The following AHNAK2 variants were observed in gnomAD, a reference collection of about 807,000 sequenced individuals.
AHNAK2 encodes the protein protein AHNAK2.
In AHNAK2, 18 loss-of-function variants were observed where a neutral mutation model predicts 30.7. That is an observed-to-expected ratio of 0.59 (90% CI 0.41 to 0.87). The LOEUF (loss-of-function observed/expected upper bound fraction) is 0.87, where lower values mean the gene tolerates loss of function less well. Ranked by LOEUF, AHNAK2 falls within the 40% of genes least tolerant of loss-of-function variation. The probability of loss-of-function intolerance (pLI) is 0.00; values close to 1 mark genes in which losing one functional copy is unlikely to be tolerated. For synonymous variants in AHNAK2, 3,590 were observed against 3,073.8 expected, an observed-to-expected ratio of 1.17 and a Z score of -5.56; for missense variants, 8,604 against 7,373.0, an observed-to-expected ratio of 1.17 and a Z score of -6.11.
chr14:104,973,241 G>A (rs573925069), intron 1 of AHNAK2, among the ~76,000 whole-genome samples: 23 of 152,334 alleles, frequency 1.5e-4, no homozygotes, highest in African/African-American at 4.3e-4. Context: ...GCTAGTCCTG[G>A]CTCAGAGCTG....
rs775570955 is a variant in AHNAK2, at chr14:104,942,402, G to A, written c.13049C>T (p.Pro4350Leu). ...CTGGACCTCCAGATCAGCGGAAGGG[G>A]GCTGAATGCTGAGGTGAGTGGTCTT... ...DLKTTHLSIQPPSADLEVQAG... is the reference protein window; with the variant it reads ...DLKTTHLSIQLPSADLEVQAG... Residue 4350 changes from proline (P) to leucine (L), a missense_variant, in exon 7 of 7, where the codon CCC (proline) becomes CTC (leucine). Pro to Leu is a moderately conservative substitution (Grantham distance 98). Coordinates refer to ENST00000333244, the MANE Select transcript of AHNAK2 (RefSeq NM_138420.4). 6.8e-6 allele frequency: 11 copies of A among 1,612,800 alleles called. No individual in the cohort carries two copies. The African/African-American group carries it at 8.0e-5, about 12-fold the overall frequency.
chr14:104,948,386 G>A lies in AHNAK2; in HGVS notation c.7065C>T (p.Pro2355=), dbSNP rs773650958. Residue 2355 remains proline (P), a synonymous_variant, in exon 7 of 7, where the codon CCC becomes CCT. Coordinates refer to ENST00000333244, the MANE Select transcript of AHNAK2 (RefSeq NM_138420.4). The stretch of plus-strand genomic sequence containing the variant: ...TGGTCTTGAGGTCCCCCTGCATGGA[G>A]GGGAGGCTCACGTCGGCCTCCACCT... ...ALKVEADVSL[P]SMQGDLKTTD... 1.1e-5 allele frequency: 17 copies of A among 1,612,544 alleles called. No homozygotes were observed. In the African/African-American group the frequency reaches 1.1e-4, roughly 10 times the overall value.
rs1898026912 is a variant in AHNAK2, at chr14:104,942,284, GAA to G, written c.13165_13166del (p.Phe4389GlnfsTer15). On this transcript the variant is annotated frameshift_variant, in exon 7 of 7. Transcript: ENST00000333244. LOFTEE classifies it low-confidence loss of function (END_TRUNC). Reference sequence around the variant, plus strand: ...CCTTGAGGTCCACTTTGGGTACCTTGAAACTGGGCATCTGCAGCTTCGGCAGG... The same window carrying G: ...CCTTGAGGTCCACTTTGGGTACCTTGACTGGGCATCTGCAGCTTCGGCAGG... ...GHLPKLQMPS[F>X]KVPKVDLKGP... The G allele has an allele frequency of 2.5e-6, 4 of 1,612,920 alleles. No individual in the cohort carries two copies. Among genetic ancestry groups the G allele is most frequent in the Non-Finnish European group, 3.4e-6 (4 of 1,179,704 alleles).
Position 104,945,452 on chromosome 14 carries a change from C to T in AHNAK2, c.9999G>A (p.Val3333=), listed in dbSNP as rs758876794. The change falls in exon 7 of 7, where the codon GTG becomes GTA. Residue 3333 remains valine (V), a synonymous_variant. Transcript: ENST00000333244. ...PGKSIQASVD[V]SAPKAEADVS... The stretch of plus-strand genomic sequence containing the variant: ...CGTCGGCCTCCGCCTTCGGCGCAGA[C>T]ACATCCACCGAGGCCTGGATGGACT... 13 of 1,613,496 alleles carry T rather than the reference C, an allele frequency of 8.1e-6. No individual in the cohort carries two copies. The highest frequency in any genetic ancestry group is 1.1e-5 in the Non-Finnish European group (13 of 1,179,720).
rs1897908445 is a variant in AHNAK2 at position 104,939,259 on chromosome 14, C to T, written c.16192G>A (p.Ala5398Thr). Residue 5398 changes from alanine to threonine, a missense_variant, in exon 7 of 7, where the codon GCC (alanine) becomes ACC (threonine). Coordinates refer to ENST00000333244, the MANE Select transcript of AHNAK2 (RefSeq NM_138420.4). Reference protein sequence around the residue: ...KLMVPRFSFPAPSSEDDVFIP... With the variant: ...KLMVPRFSFPTPSSEDDVFIP... Reference sequence around the variant, plus strand: ...AACACATCATCCTCTGAGCTGGGGGCAGGGAAGGAGAACCTTGGTACCATT... The same window carrying T: ...AACACATCATCCTCTGAGCTGGGGGTAGGGAAGGAGAACCTTGGTACCATT... The T allele has an allele frequency of 6.2e-7, 1 of 1,613,920 alleles. No individual in the cohort carries two copies. Among genetic ancestry groups the T allele is most frequent in the Non-Finnish European group, 8.5e-7 (1 of 1,179,906 alleles).
chr14:104,938,307 G>C lies in AHNAK2; in HGVS notation c.17144C>G (p.Thr5715Ser). 6.2e-7 allele frequency: 1 copy of C among 1,613,910 alleles called. No individual in the cohort carries two copies. Among genetic ancestry groups the C allele is most frequent in the South Asian group, 1.1e-5 (1 of 91,070 alleles). ...TTCTTCCAGCTCTGCCCCATCTTCG[G>C]TGCTTTTGCTTTTCTTGGTAGGAGA... ...SSSPTKKSKSTEDGAELEEQK... is the reference protein window; with the variant it reads ...SSSPTKKSKSSEDGAELEEQK... Residue 5715 changes from threonine (T) to serine (S), a missense_variant, in exon 7 of 7, where the codon ACC becomes AGC. Transcript: ENST00000333244.
rs1341476283 is a variant in AHNAK2, at chr14:104,945,289, T to C, written c.10162A>G (p.Lys3388Glu). The C allele has an allele frequency of 1.2e-6, 2 of 1,612,876 alleles. No individual in the cohort carries two copies. Among genetic ancestry groups the C allele is most frequent in the African/African-American group, 2.7e-5 (2 of 74,596 alleles). ...ATCTCCACCTTGGGCAGGTGCCCTT[T>C]GAGGCCAGCTCCCTCGGGCACGTGG... ...EGHVPEGAGL[K>E]GHLPKVEMPS... The change falls in exon 7 of 7, where the codon AAA becomes GAA. Residue 3388 changes from lysine to glutamate, a missense_variant. Transcript: ENST00000333244.
chr14:104,944,725 T>G lies in AHNAK2; in HGVS notation c.10726A>C (p.Ile3576Leu), dbSNP rs541959633. Residue 3576 changes from isoleucine (I) to leucine (L), a missense_variant, in exon 7 of 7, where the codon ATA (isoleucine) becomes CTA (leucine). Ile to Leu is a conservative substitution (Grantham distance 5). Coordinates refer to ENST00000333244, the MANE Select transcript of AHNAK2 (RefSeq NM_138420.4). ...TPKVDLKGPQ[I>L]DVKGPKLDLK... is the part of the protein sequence containing the mutation. ...TCCAGCTTGGGGCCCTTAACATCTA[T>G]CTGGGGGCCCTTGAGGTCCACTTTG... 1.0e-5 allele frequency: 16 copies of G among 1,607,364 alleles called. No homozygotes were observed. In the South Asian group the frequency reaches 1.8e-4, roughly 18 times the overall value.
intron 1 of AHNAK2, among the ~76,000 whole-genome samples, chr14:104,961,942 C>T (rs1899160545): frequency 6.6e-6 from 1 of 152,218 alleles, no homozygotes; most frequent in Admixed American, 6.5e-5. Flanking sequence ...CACTGCACTC[C>T]AGCCGGGGCA....
rs373360672 is a variant in AHNAK2 at position 104,950,412 on chromosome 14, G to A, written c.5039C>T (p.Ser1680Leu). 72 of 1,586,866 alleles carry A rather than the reference G, an allele frequency of 4.5e-5. 5 individuals carry two copies. In the East Asian group the frequency reaches 5.9e-4, roughly 13 times the overall value. Residue 1680 changes from serine to leucine, a missense_variant, in exon 7 of 7, where the codon TCG (serine) becomes TTG (leucine). Coordinates refer to ENST00000333244, the MANE Select transcript of AHNAK2 (RefSeq NM_138420.4). ...VSAPGKSIEA[S>L]VDVSEPKVEA... ...CACCTTCGGCTCAGACACATCCACC[G>A]AGGCCTCGATGGACTTGCCTGGGGC...
rs575847374 is a variant in AHNAK2 at position 104,947,882 on chromosome 14, C to G, written c.7569G>C (p.Gln2523His). Reference sequence around the variant, plus strand: ...TGAGGTCAGTGGCCTTGAGGTCCCCCTGCATGGAGGAGAGGCTCCCGTCGG... The same window carrying G: ...TGAGGTCAGTGGCCTTGAGGTCCCCGTGCATGGAGGAGAGGCTCCCGTCGG... The part of the protein sequence containing the change: ...VEADGSLSSM[Q>H]GDLKATDLSI... The change falls in exon 7 of 7, where the codon CAG becomes CAC. Residue 2523 changes from glutamine (Q) to histidine (H), a missense_variant. Gln to His is a conservative substitution (Grantham distance 24, BLOSUM62 0). Transcript: ENST00000333244. 1.2e-6 allele frequency: 2 copies of G among 1,611,914 alleles called. No homozygotes were observed. Among genetic ancestry groups the G allele is most frequent in the Non-Finnish European group, 8.5e-7 (1 of 1,179,390 alleles).
rs893974098 is a variant in AHNAK2 at position 104,966,651 on chromosome 14, G to C, written c.56-8979C>G. Among the ~76,000 whole-genome samples the C allele has an allele frequency of 6.6e-6, 1 of 151,796 alleles. No homozygotes were observed. The highest frequency in any genetic ancestry group is 1.5e-5 in the Non-Finnish European group (1 of 67,958). ...ACCTGCCCCCTCCCACTCCCTCCAC[G>C]TGGCCCTGCCAGGGCTCCCCAGTGC... On this transcript the variant is annotated intron_variant, in intron 1 of 6. Coordinates refer to ENST00000333244, the MANE Select transcript of AHNAK2 (RefSeq NM_138420.4). The surrounding 1 kb of genome is among the most constrained non-coding windows in gnomAD (Gnocchi z 4.3).
chr14:104,947,059 C>G lies in AHNAK2; in HGVS notation c.8392G>C (p.Asp2798His), dbSNP rs201927397. 1.9e-5 allele frequency: 31 copies of G among 1,612,320 alleles called. 1 individual carries two copies. The highest frequency in any genetic ancestry group is 1.8e-4 in the Admixed American group (11 of 59,892). The change falls in exon 7 of 7, where the codon GAC (aspartate) becomes CAC (histidine). Residue 2798 changes from aspartate (D) to histidine (H), a missense_variant. Coordinates refer to ENST00000333244, the MANE Select transcript of AHNAK2 (RefSeq NM_138420.4). ...AKLDGARLEG[D>H]LSLADKGMTA... ...ATGCCCTTGTCGGCCAGGGACAGGT[C>G]CCCCTCCAGCCGCGCACCATCCAGC...
chr14:104,967,096 G>T (rs929078487), intron 1 of AHNAK2, among the ~76,000 whole-genome samples: 2 of 152,144 alleles, frequency 1.3e-5, no homozygotes, highest in South Asian at 4.1e-4. Context: ...GAGTGGGGAG[G>T]GGCTCCACTG....
Position 104,954,205 on chromosome 14 carries a change from C to A in AHNAK2, c.1246G>T (p.Ala416Ser). 6.2e-7 allele frequency: 1 copy of A among 1,610,390 alleles called. No individual in the cohort carries two copies. The highest frequency in any genetic ancestry group is 8.5e-7 in the Non-Finnish European group (1 of 1,179,674). Residue 416 changes from alanine to serine, a missense_variant, in exon 7 of 7, where the codon GCA (alanine) becomes TCA (serine). Coordinates refer to ENST00000333244, the MANE Select transcript of AHNAK2 (RefSeq NM_138420.4). The surrounding 1 kb of genome is among the most constrained non-coding windows in gnomAD (Gnocchi z 4.3). ...EGTPQEGGLR[A>S]ARLHGKTLEG... ...AGGGTCTTTCCATGGAGCCTGGCTG[C>A]CCTGAGTCCCCCTTCCTGAGGGGTT...
In AHNAK2 at chr14:104,949,958, C is replaced by G. The variant is rs200753593; in HGVS notation, c.5493G>C (p.Pro1831=). The change falls in exon 7 of 7, where the codon CCG becomes CCC. Residue 1831 remains proline (P), a synonymous_variant. Coordinates refer to ENST00000333244, the MANE Select transcript of AHNAK2 (RefSeq NM_138420.4). ...TGCCTGGGGCAGACACCCCGAACGA[C>G]GGCATCTTGAACTTGGGCATTTTGA... ...SKFKMPKFKM[P]SFGVSAPGKS... 1.2e-4 allele frequency: 185 copies of G among 1,585,002 alleles called. 12 individuals are homozygous for G. Among genetic ancestry groups the G allele is most frequent in the African/African-American group, 7.6e-4 (54 of 71,080 alleles).
In AHNAK2 at chr14:104,942,306, G is replaced by C. The variant is rs754099515; in HGVS notation, c.13145C>G (p.Pro4382Arg). Residue 4382 changes from proline (P) to arginine (R), a missense_variant, in exon 7 of 7, where the codon CCG (proline) becomes CGG (arginine). Transcript: ENST00000333244. ...CTTGAAACTGGGCATCTGCAGCTTC[G>C]GCAGGTGCCCTTTGAGGCCGGCTCC... The part of the protein sequence containing the change: ...HEGAGLKGHL[P>R]KLQMPSFKVP... 1.2e-5 allele frequency: 20 copies of C among 1,613,088 alleles called. No homozygotes were observed. Among genetic ancestry groups the C allele is most frequent in the Non-Finnish European group, 1.5e-5 (18 of 1,179,808 alleles).
Position 104,943,621 on chromosome 14 carries a change from T to A in AHNAK2, c.11830A>T (p.Lys3944Ter). 3 of 1,612,980 alleles carry A rather than the reference T, an allele frequency of 1.9e-6. No homozygotes were observed. The highest frequency in any genetic ancestry group is 2.5e-6 in the Non-Finnish European group (3 of 1,179,582). Residue 3944 changes from lysine (K) to a stop codon, truncating the protein, a stop_gained, in exon 7 of 7, where the codon AAG (lysine) becomes TAG (stop). Coordinates refer to ENST00000333244, the MANE Select transcript of AHNAK2 (RefSeq NM_138420.4). LOFTEE classifies it low-confidence loss of function (END_TRUNC). The part of the protein sequence containing the change: ...VEVDVEAPGA[K>*]LDGARLEGDL... ...CCCTCCAGCCGCGCACCATCCAGCT[T>A]GGCTCCTGGGGCCTCGACGTCCACC...
At position 104,939,521 on chromosome 14, in the gene AHNAK2, C is replaced by G; in HGVS notation, c.15930G>C (p.Met5310Ile). 6.2e-7 allele frequency: 1 copy of G among 1,613,778 alleles called. No individual in the cohort carries two copies. The highest frequency in any genetic ancestry group is 8.5e-7 in the Non-Finnish European group (1 of 1,179,878). ...HPSKGPLPFQ[M>I]PGMRLPETQV... ...GGGTTTCTGGAAGCCTCATGCCAGG[C>G]ATCTGAAAAGGGAGAGGTCCTTTGG... is the stretch of plus-strand genomic sequence containing the variant. Residue 5310 changes from methionine (M) to isoleucine (I), a missense_variant, in exon 7 of 7, where the codon ATG (methionine) becomes ATC (isoleucine). Physicochemically the swap from Met to Ile is conservative, Grantham distance 10. Coordinates refer to ENST00000333244, the MANE Select transcript of AHNAK2 (RefSeq NM_138420.4).
Sources: allele counts gnomAD v4.1 joint callset (sites outside exome capture counted in the v4.1 genomes callset), GRCh38; gene constraint gnomAD v4.1.1; non-coding constraint Gnocchi (gnomAD v3.1); transcripts MANE v1.5; gene names NCBI Gene and HGNC (gene_info 2026-07-23, HGNC 2026-07-21).